The following TG variants were observed in gnomAD, a reference collection of about 807,000 sequenced individuals.
TG encodes thyroglobulin, also known as thyroid hormones.
In TG, 270 loss-of-function variants were observed where a neutral mutation model predicts 324.7. The observed-to-expected ratio is 0.83, with a 90% CI of 0.75 to 0.92. The LOEUF is 0.92. Among genes scored for constraint, TG ranks in the 40% least tolerant of loss-of-function variants. TG has a pLI of 0.00. For missense variants in TG, 3,591 were observed against 3,456.4 expected (o/e 1.04, Z -0.98); for synonymous variants, 1,401 against 1,327.0 (o/e 1.06, Z -1.21).
Position 132,948,934 on chromosome 8 carries a change from TTCA to T in TG, c.5396_5398del (p.Ile1799del). The T allele has an allele frequency of 6.2e-7, 1 of 1,613,316 alleles. No individual in the cohort carries two copies. Among genetic ancestry groups the T allele is most frequent in the Admixed American group, 1.7e-5 (1 of 59,990 alleles). ...GATATTGCGTCTTGGAGACCAGGAGTTCATCAAGAGTAAGTCTTTGCCATTTGT... is the reference window on the plus strand; with the variant it reads ...GATATTGCGTCTTGGAGACCAGGAGTTCAAGAGTAAGTCTTTGCCATTTGT... On this transcript the variant is annotated inframe_deletion, in exon 27 of 48. Transcript: ENST00000220616.
intron 25 of TG, among the ~76,000 whole-genome samples, chr8:132,938,060 T>G (rs141304521): frequency 6.6e-5 from 10 of 152,262 alleles, no homozygotes; most frequent in African/African-American, 2.4e-4. Flanking sequence ...CCTGGCTCTG[T>G]CTCTGATCAG....
At chr8:132,916,911 T>A (rs566993051) in intron 20 of TG, among the ~76,000 whole-genome samples, 164 of 152,268 alleles carry the variant, frequency 1.1e-3, no homozygotes, top group Middle Eastern at 0.01. Context: ...CTATGGATTT[T>A]TTTTTTGCTG....
At chr8:132,932,921 G>A (rs1010717561) in intron 23 of TG, among the ~76,000 whole-genome samples, 2 of 152,180 alleles carry the variant, frequency 1.3e-5, no homozygotes, top group African/African-American at 4.8e-5. Flanking sequence ...TGTATAAAAG[G>A]TTTAATTTAG....
chr8:133,059,765 A>C (rs766113439), intron 41 of TG, among the ~76,000 whole-genome samples: 10 of 152,188 alleles, frequency 6.6e-5, no homozygotes, highest in Non-Finnish European at 1.5e-4. Context: ...TGGATTGGAA[A>C]TTTAACAGCA....
intron 27 of TG, among the ~76,000 whole-genome samples, chr8:132,952,133 A>G (rs1483056916): frequency 6.6e-6 from 1 of 152,188 alleles, no homozygotes; most frequent in African/African-American, 2.4e-5. Context: ...TGTCTCCTCA[A>G]TGTGTGGCCC....
At chr8:133,091,277 G>A (rs985303679) in intron 41 of TG, among the ~76,000 whole-genome samples, 3 of 152,204 alleles carry the variant, frequency 2.0e-5, no homozygotes, top group South Asian at 2.1e-4. Context: ...TGCTTACTGG[G>A]CTTCCCATCC....
chr8:132,938,292 C>T lies in TG; in HGVS notation c.5041+2428C>T, dbSNP rs145050620. On this transcript the variant is annotated intron_variant, in intron 25 of 47. Coordinates refer to ENST00000220616, the MANE Select transcript of TG (RefSeq NM_003235.5). The stretch of plus-strand genomic sequence containing the variant: ...CAGAGCTTGATCTGTCACCCAATAC[C>T]CTCTGCTGCCTACTCCCACTTAATG... Among the ~76,000 whole-genome samples, 105 of 152,238 alleles carry T rather than the reference C, an allele frequency of 6.9e-4. No individual in the cohort carries two copies. In the East Asian group the frequency reaches 0.015, roughly 22 times the overall value.
chr8:132,870,203 A>T (rs1234995372), intron 3 of TG, among the ~76,000 whole-genome samples: 1 of 151,966 alleles, frequency 6.6e-6, no homozygotes, highest in Non-Finnish European at 1.5e-5. Flanking sequence ...AGTTAAGATA[A>T]TTATTATAGT....
At chr8:133,056,206 A>G (rs2131285679) in intron 41 of TG, among the ~76,000 whole-genome samples, 1 of 152,332 alleles carries the variant, frequency 6.6e-6, no homozygotes, top group South Asian at 2.1e-4. Context: ...ATTCTAAGCA[A>G]TGTGACATCG....
Position 132,879,333 on chromosome 8 carries a change from C to T in TG, c.639-2530C>T, listed in dbSNP as rs369781250. ...TGGCCACCTGCTGTTGTTGAACGAG[C>T]ACTGGAAATGGACTTGGGATTCTTG... On this transcript the variant is annotated intron_variant, in intron 5 of 47. Transcript: ENST00000220616. Among the ~76,000 whole-genome samples, 83 of 152,286 alleles carry T rather than the reference C, an allele frequency of 5.5e-4. 1 individual carries two copies. The South Asian group carries it at 0.016, about 29-fold the overall frequency.
intron 41 of TG, among the ~76,000 whole-genome samples, chr8:133,054,310 A>C (rs1455644899): frequency 6.6e-6 from 1 of 152,196 alleles, no homozygotes; most frequent in South Asian, 2.1e-4. Context: ...AGACATATGC[A>C]CTGCGCATGA....
chr8:133,117,659 A>G (rs1196461700), intron 45 of TG, among the ~76,000 whole-genome samples: 1 of 152,266 alleles, frequency 6.6e-6, no homozygotes, highest in Non-Finnish European at 1.5e-5. Context: ...TCAGCCTCCA[A>G]TAAGCATTCA....
chr8:133,100,211 A>T (rs968990174), intron 43 of TG, among the ~76,000 whole-genome samples: 3 of 152,194 alleles, frequency 2.0e-5, no homozygotes, highest in Non-Finnish European at 4.4e-5. Flanking sequence ...TGTTCTTCCC[A>T]GACAACTCAC....
intron 41 of TG, chr8:133,047,965 G>C (rs368645272): frequency 7.3e-7 from 1 of 1,373,940 alleles, no homozygotes; most frequent in Non-Finnish European, 1.0e-6. Flanking sequence ...ATTAGGATCC[G>C]GAACAAGCCC....
At chr8:133,101,125 G>C (rs779310809) in intron 43 of TG, among the ~76,000 whole-genome samples, 2 of 152,080 alleles carry the variant, frequency 1.3e-5, no homozygotes, top group Non-Finnish European at 1.5e-5. Flanking sequence ...TACCCTATCT[G>C]TGATAAACAC....
intron 35 of TG, among the ~76,000 whole-genome samples, chr8:132,995,761 T>C (rs1356260103): frequency 6.6e-6 from 1 of 152,170 alleles, no homozygotes; most frequent in Non-Finnish European, 1.5e-5. Context: ...ACTAGGAATT[T>C]TGCTCGTAAT....
Position 132,913,074 on chromosome 8 carries a change from T to C in TG, c.4187T>C (p.Leu1396Pro). The C allele has an allele frequency of 1.9e-6, 3 of 1,614,202 alleles. No homozygotes were observed. Among genetic ancestry groups the C allele is most frequent in the Non-Finnish European group, 1.7e-6 (2 of 1,180,040 alleles). ...IERALVGKDL[L>P]GRFTDLIQSG... ...AGAGCCTTGGTGGGCAAGGATCTCC[T>C]TGGGCGCTTCACAGATCTGATCCAG... Residue 1396 changes from leucine to proline, a missense_variant, in exon 20 of 48, where the codon CTT becomes CCT. Physicochemically the swap from Leu to Pro is moderately conservative, Grantham distance 98 (BLOSUM62 -3). Transcript: ENST00000220616.
chr8:132,908,930 G>A (rs979818093), intron 18 of TG, among the ~76,000 whole-genome samples: 2 of 152,158 alleles, frequency 1.3e-5, no homozygotes, highest in African/African-American at 4.8e-5. Flanking sequence ...GGAAATAGAA[G>A]GTCAGAGTTT....
chr8:132,965,328 C>G (rs1034881703), intron 29 of TG, among the ~76,000 whole-genome samples: 2 of 152,160 alleles, frequency 1.3e-5, no homozygotes, highest in Admixed American at 6.5e-5. Context: ...ACTCATAAAG[C>G]CTTTACCTTG....
Sources: gnomAD v4.1 joint callset for allele counts (sites outside exome capture counted in the v4.1 genomes callset) on GRCh38, gnomAD v4.1.1 for gene constraint, MANE v1.5 for transcripts, NCBI Gene and HGNC (gene_info 2026-07-23, HGNC 2026-07-21) for gene names.